RAB40C: variants seen among roughly 807,000 people sequenced by gnomAD.
The protein encoded by RAB40C is ras-related protein Rab-40C.
RAB40C carries 8 observed loss-of-function variants against 28.1 expected under a neutral mutation model. The observed-to-expected ratio is 0.28, with a 90% CI of 0.17 to 0.51. The LOEUF (loss-of-function observed/expected upper bound fraction) is 0.51. Among genes scored for constraint, RAB40C ranks in the 20% least tolerant of loss-of-function variants. RAB40C has a pLI of 0.97. For missense variants in RAB40C, 288 were observed against 405.9 expected, an observed-to-expected ratio of 0.71 and a Z score of 2.50; for synonymous variants, 201 against 171.7, an observed-to-expected ratio of 1.17 and a Z score of -1.34.
intron 5 of RAB40C, 42 bp downstream of exon 5, chr16:626,163 TG>T: frequency 6.4e-7 from 1 of 1,555,762 alleles, no homozygotes; most frequent in Non-Finnish European, 8.8e-7. Flanking sequence ...TCCCCGAACC[TG>T]GGCTGCCCTG....
At chr16:624,270 C>G (rs1324993973) in intron 3 of RAB40C, 1 of 985,310 alleles carries the variant, frequency 1.0e-6, no homozygotes, top group Non-Finnish European at 1.2e-6. Context: ...CCCAGTCTCT[C>G]CACCTCCCCC....
chr16:606,149 A>C (rs2036357597), intron 1 of RAB40C, among the ~76,000 whole-genome samples: 1 of 150,190 alleles, frequency 6.7e-6, no homozygotes, highest in South Asian at 2.1e-4. Flanking sequence ...CCTGGGCTGA[A>C]GTCAAGGTGT....
intron 1 of RAB40C, 62 bp downstream of exon 1, chr16:590,495 G>T (rs1050786454): frequency 1.1e-5 from 16 of 1,435,934 alleles, no homozygotes; most frequent in Non-Finnish European, 1.5e-5. Context: ...GCTGGGCACG[G>T]AGCTCGCCCT....
chr16:625,405 C>T (rs1488188502), intron 3 of RAB40C, 27 bp from the exon 4 acceptor site: 2 of 1,610,856 alleles, frequency 1.2e-6, no homozygotes, highest in Non-Finnish European at 1.7e-6. Context: ...TCAGTGACCC[C>T]TGATGACCCC....
At chr16:609,634 T>C (rs1189544758) in intron 1 of RAB40C, among the ~76,000 whole-genome samples, 1 of 152,064 alleles carries the variant, frequency 6.6e-6, no homozygotes, top group African/African-American at 2.4e-5. Flanking sequence ...AGATACCGCA[T>C]CCACGAATGA....
intron 1 of RAB40C, among the ~76,000 whole-genome samples, chr16:593,371 C>T (rs888846158): frequency 1.1e-4 from 16 of 152,244 alleles, no homozygotes; most frequent in African/African-American, 3.6e-4. Flanking sequence ...CTCTGGCCCT[C>T]GTGGGAAGGA....
At chr16:596,925 C>A (rs1370553034) in intron 1 of RAB40C, among the ~76,000 whole-genome samples, 1 of 152,192 alleles carries the variant, frequency 6.6e-6, no homozygotes, top group African/African-American at 2.4e-5. Context: ...CAGTGCGCGG[C>A]TGTCTCGTGC....
At chr16:624,029 C>T (rs763013) in intron 3 of RAB40C, 218,694 of 985,070 alleles carry the variant, frequency 0.22, 25,696 homozygotes, top group East Asian at 0.61. Flanking sequence ...CACGCTTTTA[C>T]ATGCACTGCT....
chr16:590,938 A>G (rs1596393836), intron 1 of RAB40C, among the ~76,000 whole-genome samples: 2 of 149,942 alleles, frequency 1.3e-5, no homozygotes, highest in African/African-American at 5.0e-5. Flanking sequence ...GGAAGGTGTC[A>G]TGGGTCCAGG....
chr16:620,768 C>T (rs1356088063), intron 3 of RAB40C, among the ~76,000 whole-genome samples: 1 of 101,980 alleles, frequency 9.8e-6, no homozygotes, highest in Non-Finnish European at 1.9e-5. Flanking sequence ...CCCCCGCCGA[C>T]GGGCTCCACC....
rs551197352 is a variant in RAB40C at position 624,059 on chromosome 16, C to T, written c.265-1373C>T. The T allele has an allele frequency of 4.8e-4, 477 of 985,476 alleles. 1 individual carries two copies. Among genetic ancestry groups the T allele is most frequent in the Admixed American group, 2.0e-3 (32 of 16,290 alleles). The allele number at this position is 985,476 out of a possible 1,614,324, so 61.0% of individuals were successfully genotyped here. A position where few individuals can be genotyped will look rare whatever the true frequency, so the allele number is the denominator to read the frequency against. The stretch of plus-strand genomic sequence containing the variant: ...ACTGCTGCTGTCTTCAGCATCTGCA[C>T]GGTACATTTCACTGCCGCTTACTCA... On this transcript the variant is annotated intron_variant, in intron 3 of 5. Transcript: ENST00000248139.
At chr16:608,499 A>G (rs982291754) in intron 1 of RAB40C, among the ~76,000 whole-genome samples, 3 of 152,198 alleles carry the variant, frequency 2.0e-5, no homozygotes, top group Admixed American at 6.5e-5. Flanking sequence ...CAGGCTGCCA[A>G]TCTGTGGCCC....
At chr16:592,520 AG>A (rs2036024283) in intron 1 of RAB40C, among the ~76,000 whole-genome samples, 1 of 152,172 alleles carries the variant, frequency 6.6e-6, no homozygotes, top group East Asian at 1.9e-4. Flanking sequence ...CTCACACGTT[AG>A]GCCCCTGCAC....
At position 617,237 on chromosome 16, in the gene RAB40C, C is replaced by G; in HGVS notation, c.172C>G (p.Leu58Val). The change falls in exon 2 of 6, where the codon CTG becomes GTG. Residue 58 changes from leucine to valine, a missense_variant. Physicochemically the swap from Leu to Val is conservative, Grantham distance 32. Around this residue, in one of 3 missense-constraint regions of RAB40C, gnomAD observed 78 missense variants for 88.2 expected, o/e 0.88. Transcript: ENST00000248139. ...GIDYKTTTIL[L>V]DGRRVKLELW... is the part of the protein sequence containing the mutation. ...CGACTACAAGACCACCACCATCCTGCTGGACGGCCGGCGCGTGAAGCTGGA... is the reference window on the plus strand; with the variant it reads ...CGACTACAAGACCACCACCATCCTGGTGGACGGCCGGCGCGTGAAGCTGGA... 6.2e-7 allele frequency: 1 copy of G among 1,614,110 alleles called. No homozygotes were observed. The highest frequency in any genetic ancestry group is 8.5e-7 in the Non-Finnish European group (1 of 1,180,020).
At chr16:592,177 C>A (rs1181391153) in intron 1 of RAB40C, among the ~76,000 whole-genome samples, 1 of 152,226 alleles carries the variant, frequency 6.6e-6, no homozygotes, top group Non-Finnish European at 1.5e-5. Flanking sequence ...CCTGCCCTCT[C>A]CCCTTGCTTT....
intron 1 of RAB40C, among the ~76,000 whole-genome samples, chr16:615,090 G>A (rs1567191018): frequency 6.6e-6 from 1 of 152,322 alleles, no homozygotes; most frequent in African/African-American, 2.4e-5. Flanking sequence ...GGGACGTTTG[G>A]TTTTCTGTTG....
At chr16:617,779 G>A (rs1289194823) in intron 2 of RAB40C, among the ~76,000 whole-genome samples, 1 of 152,148 alleles carries the variant, frequency 6.6e-6, no homozygotes, top group African/African-American at 2.4e-5. Flanking sequence ...GGAGGCAGAA[G>A]TTGCAGTGAG....
At chr16:609,154 G>A (rs571053790) in intron 1 of RAB40C, among the ~76,000 whole-genome samples, 2 of 152,242 alleles carry the variant, frequency 1.3e-5, no homozygotes, top group South Asian at 2.1e-4. Context: ...AGGTGAGAGA[G>A]GTTTGATGGT....
At chr16:625,247 G>A in intron 3 of RAB40C, 185 bp from the exon 4 acceptor site, 1 of 1,449,318 alleles carries the variant, frequency 6.9e-7, no homozygotes, top group Non-Finnish European at 9.1e-7. Context: ...TGCCAGGTGA[G>A]GGCAGGGGTG....
Sources: gnomAD v4.1 joint callset for allele counts (sites outside exome capture counted in the v4.1 genomes callset) on GRCh38, gnomAD v4.1.1 for gene constraint, gnomAD v4.1.1 regional missense constraint, MANE v1.5 for transcripts, NCBI Gene and HGNC (gene_info 2026-07-23, HGNC 2026-07-21) for gene names.